The following MTA3 variants were observed in gnomAD, a reference collection of about 807,000 sequenced individuals.
MTA3 encodes metastasis-associated protein MTA3.
In MTA3, 34 loss-of-function variants were observed where a neutral mutation model predicts 83.5. The observed-to-expected ratio is 0.41, with a 90% CI of 0.31 to 0.54. The LOEUF is 0.54. Ranked by LOEUF, MTA3 falls within the 20% of genes least tolerant of loss-of-function variation. The probability of loss-of-function intolerance (pLI) is 0.33; values close to 1 mark genes in which losing one functional copy is unlikely to be tolerated. For synonymous variants in MTA3, 303 were observed against 252.7 expected, an observed-to-expected ratio of 1.20 and a Z score of -1.89; for missense variants, 761 against 726.4, an observed-to-expected ratio of 1.05 and a Z score of -0.55.
At chr2:42,601,324 C>T (rs1413474260) in intron 3 of MTA3, among the ~76,000 whole-genome samples, 1 of 152,224 alleles carries the variant, frequency 6.6e-6, no homozygotes, top group African/African-American at 2.4e-5. Context: ...GAGCAGTGCT[C>T]AGCCTGGGGC....
At chr2:42,661,467 C>CT (rs1689701685) in intron 8 of MTA3, among the ~76,000 whole-genome samples, 1 of 143,906 alleles carries the variant, frequency 6.9e-6, no homozygotes, top group Non-Finnish European at 1.5e-5. Flanking sequence ...GCTCATGCCA[C>CT]TTGCCCTCTA....
chr2:42,599,245 T>C (rs1265828446), intron 3 of MTA3, among the ~76,000 whole-genome samples: 1 of 152,168 alleles, frequency 6.6e-6, no homozygotes, highest in African/African-American at 2.4e-5. Context: ...TTTGTGCATC[T>C]TTCTAGCAAC....
chr2:42,648,231 T>C (rs1241190617), intron 6 of MTA3, among the ~76,000 whole-genome samples: 3 of 152,208 alleles, frequency 2.0e-5, no homozygotes, highest in South Asian at 2.1e-4. Context: ...TTGAAAAACA[T>C]GGTCATTGCC....
chr2:42,662,575 T>C (rs1032334066), intron 8 of MTA3, among the ~76,000 whole-genome samples: 8 of 152,042 alleles, frequency 5.3e-5, no homozygotes, highest in Middle Eastern at 3.4e-3. Context: ...TTATAGACTT[T>C]TAATCTATTC....
intron 3 of MTA3, among the ~76,000 whole-genome samples, chr2:42,599,883 CATTTCAA>C (rs1682338175): frequency 6.6e-6 from 1 of 151,942 alleles, no homozygotes; most frequent in Admixed American, 6.6e-5. Flanking sequence ...AAATGTTTTC[CATTTCAA>C]GACTTTTTAA....
At chr2:42,605,246 G>C (rs1383966496) in intron 3 of MTA3, among the ~76,000 whole-genome samples, 1 of 113,396 alleles carries the variant, frequency 8.8e-6, no homozygotes, top group Non-Finnish European at 1.9e-5. Context: ...CGGACGGGGC[G>C]GCTGGCCGGG....
chr2:42,639,665 T>C (rs1056019256), intron 4 of MTA3, among the ~76,000 whole-genome samples: 12 of 152,352 alleles, frequency 7.9e-5, no homozygotes, highest in African/African-American at 2.9e-4. Context: ...GTAATTTCAA[T>C]ATAGATGAAT....
At chr2:42,730,176 A>G (rs1193842023) in intron 16 of MTA3, among the ~76,000 whole-genome samples, 3 of 152,150 alleles carry the variant, frequency 2.0e-5, no homozygotes, top group African/African-American at 7.2e-5. Flanking sequence ...AACAAGGATA[A>G]TTTGACTCCT....
chr2:42,621,149 T>TA lies in MTA3; in HGVS notation c.317+11567dup, dbSNP rs1553365296. Among the ~76,000 whole-genome samples the TA allele has an allele frequency of 1.1e-4, 16 of 151,244 alleles. No individual in the cohort carries two copies. The South Asian group carries it at 2.5e-3, about 24-fold the overall frequency. Reference sequence around the variant, plus strand: ...TTATTAGAGTTTTTTTTTTTTTTTTTAATTGATCATTCTTGGGTGTTTCTC... The same window carrying TA: ...TTATTAGAGTTTTTTTTTTTTTTTTTAAATTGATCATTCTTGGGTGTTTCTC... On this transcript the variant is annotated intron_variant, in intron 4 of 16. Coordinates refer to ENST00000405094, the MANE Select transcript of MTA3 (RefSeq NM_001330442.2).
rs1401687611 is a variant in MTA3 at position 42,682,477 on chromosome 2, G to T, written c.779G>T (p.Gly260Val). 6.2e-7 allele frequency: 1 copy of T among 1,612,378 alleles called. No homozygotes were observed. The highest frequency in any genetic ancestry group is 2.2e-5 in the East Asian group (1 of 44,820). ...ATTAGTGTCTTAGTACCACTCGGAGGACCTGTTTTATGCAGAGATGAAATG... is the reference window on the plus strand; with the variant it reads ...ATTAGTGTCTTAGTACCACTCGGAGTACCTGTTTTATGCAGAGATGAAATG... ...SAISVLVPLG[G>V]PVLCRDEMEE... is the part of the protein sequence containing the mutation. The change falls in exon 9 of 17, where the codon GGA (glycine) becomes GTA (valine). Residue 260 changes from glycine (G) to valine (V), a missense_variant. By Grantham distance (109) the Gly-to-Val change is moderately radical. Coordinates refer to ENST00000405094, the MANE Select transcript of MTA3 (RefSeq NM_001330442.2).
intron 6 of MTA3, among the ~76,000 whole-genome samples, chr2:42,644,612 G>T (rs1361767406): frequency 6.6e-6 from 1 of 152,002 alleles, no homozygotes; most frequent in Non-Finnish European, 1.5e-5. Flanking sequence ...AAAATTTGAA[G>T]GTTTGTGGCA....
At chr2:42,606,882 G>T (rs1194970133) in intron 3 of MTA3, among the ~76,000 whole-genome samples, 1 of 147,260 alleles carries the variant, frequency 6.8e-6, no homozygotes, top group African/African-American at 2.5e-5. Context: ...GCTGGAGACC[G>T]GCCTGGCCAA....
At chr2:42,627,144 C>T (rs553687523) in intron 4 of MTA3, among the ~76,000 whole-genome samples, 81 of 151,670 alleles carry the variant, frequency 5.3e-4, no homozygotes, top group Non-Finnish European at 9.6e-4. Context: ...TGGCACGATT[C>T]GTGGCTCATT....
chr2:42,550,182 A>C lies in MTA3; in HGVS notation c.-140-20255A>C, dbSNP rs79305732. On this transcript the variant is annotated intron_variant, in intron 2 of 17. Transcript: ENST00000405592. ...CATAAGAACAAATCTTATAGCTATG[A>C]AATTGTTAAGAAGGAAAAATAAATT... 5.0e-3 allele frequency among the ~76,000 whole-genome samples: 766 copies of C among 152,292 alleles called. 5 individuals are homozygous for C. Among genetic ancestry groups the C allele is most frequent in the African/African-American group, 0.018 (739 of 41,552 alleles).
chr2:42,604,609 A>C (rs1271827836), intron 3 of MTA3, among the ~76,000 whole-genome samples: 1 of 124,218 alleles, frequency 8.1e-6, no homozygotes, highest in South Asian at 2.7e-4. Flanking sequence ...TTTTATTGAT[A>C]ATTCTTGGGT....
At chr2:42,636,631 T>C (rs1397715846) in intron 4 of MTA3, among the ~76,000 whole-genome samples, 12 of 149,190 alleles carry the variant, frequency 8.0e-5, no homozygotes, top group African/African-American at 2.2e-4. Context: ...TCTTTCTTTT[T>C]TTTTTTTTTT....
At chr2:42,590,766 G>A (rs1680892919) in intron 3 of MTA3, among the ~76,000 whole-genome samples, 1 of 151,958 alleles carries the variant, frequency 6.6e-6, no homozygotes, top group African/African-American at 2.4e-5. Flanking sequence ...GACTACAGGT[G>A]TGCACCACCA....
chr2:42,577,105 A>AAAAAATATATATATATATAT (rs1211189566), intron 2 of MTA3, among the ~76,000 whole-genome samples: 1 of 86,950 alleles, frequency 1.2e-5, no homozygotes, highest in African/African-American at 5.5e-5. Context: ...AAAAAAAAAA[A>AAAAAATATATATATATATAT]ATATATATAT....
chr2:42,708,147 A>G (rs1388465695), intron 13 of MTA3, 93 bp downstream of exon 13: 16 of 1,298,308 alleles, frequency 1.2e-5, no homozygotes, highest in Non-Finnish European at 1.6e-5. Context: ...ATAATTAAAA[A>G]ATGAAGAAAG....
Sources: gnomAD v4.1 joint callset for allele counts (sites outside exome capture counted in the v4.1 genomes callset) on GRCh38, gnomAD v4.1.1 for gene constraint, MANE v1.5 for transcripts, NCBI Gene and HGNC (gene_info 2026-07-23, HGNC 2026-07-21) for gene names.